The following CRTAC1 variants were observed in gnomAD, a reference collection of about 807,000 sequenced individuals.
The protein encoded by CRTAC1 is acidic secreted protein in cartilage.
CRTAC1 carries 37 observed loss-of-function variants against 67.8 expected under a neutral mutation model. That is an observed-to-expected ratio of 0.55 (90% CI 0.42 to 0.72). CRTAC1 has a LOEUF of 0.72. CRTAC1 is among the 30% of genes least tolerant of loss of function. CRTAC1 has a pLI of 0.00. For synonymous variants in CRTAC1, 348 were observed against 371.0 expected (o/e 0.94, Z 0.71); for missense variants, 780 against 931.6 (o/e 0.84, Z 2.12).
At chr10:97,959,700 G>C (rs571338870) in intron 2 of CRTAC1, among the ~76,000 whole-genome samples, 1 of 152,232 alleles carries the variant, frequency 6.6e-6, no homozygotes, top group Non-Finnish European at 1.5e-5. Flanking sequence ...TAGGTAAGGC[G>C]GATATGTTGT....
intron 1 of CRTAC1, among the ~76,000 whole-genome samples, chr10:98,023,816 T>A (rs1262585916): frequency 6.6e-6 from 1 of 152,206 alleles, no homozygotes; most frequent in Non-Finnish European, 1.5e-5. Context: ...AAGGGAGGGA[T>A]GTCACCTCAG....
intron 14 of CRTAC1, among the ~76,000 whole-genome samples, chr10:97,874,895 C>A (rs541950366): frequency 6.6e-6 from 1 of 152,298 alleles, no homozygotes; most frequent in South Asian, 2.1e-4. Flanking sequence ...TCCAGCCCTC[C>A]ATAGCACGTA....
chr10:97,881,159 C>T (rs541946206), intron 13 of CRTAC1, among the ~76,000 whole-genome samples: 2 of 152,328 alleles, frequency 1.3e-5, no homozygotes, highest in Admixed American at 1.3e-4. Context: ...CACATCATGT[C>T]ACTCCCCAGT....
intron 2 of CRTAC1, among the ~76,000 whole-genome samples, chr10:97,971,185 CAT>C: frequency 6.6e-6 from 1 of 152,312 alleles, no homozygotes; most frequent in Middle Eastern, 3.4e-3. Context: ...AAAAGTCTAA[CAT>C]ATTTTTCATA....
At chr10:97,953,111 C>T (rs1456329516) in intron 2 of CRTAC1, among the ~76,000 whole-genome samples, 1 of 152,090 alleles carries the variant, frequency 6.6e-6, no homozygotes, top group Non-Finnish European at 1.5e-5. Context: ...AAGCCCTCCC[C>T]CTTCCTCCTT....
rs2051024771 is a variant in CRTAC1, at chr10:97,933,024, G to A, written c.421+3146C>T. Among the ~76,000 whole-genome samples, 3 of 152,348 alleles carry A rather than the reference G, an allele frequency of 2.0e-5. No individual in the cohort carries two copies. The South Asian group carries it at 6.2e-4, about 32-fold the overall frequency. On this transcript the variant is annotated intron_variant, in intron 3 of 14. Transcript: ENST00000370597. The stretch of plus-strand genomic sequence containing the variant: ...AGGAGAGTGGGACCATGCTTCCACA[G>A]GTCGCTCTAACACACTGGCACATGC...
intron 14 of CRTAC1, chr10:97,879,832 A>T: frequency 9.7e-7 from 1 of 1,034,884 alleles, no homozygotes. Context: ...GGAGACAGAA[A>T]ATGGGAAAAA....
At chr10:97,995,807 G>T (rs185606690) in intron 2 of CRTAC1, among the ~76,000 whole-genome samples, 158 of 152,260 alleles carry the variant, frequency 1.0e-3, no homozygotes, top group African/African-American at 3.7e-3. Flanking sequence ...GAGAGCTAGG[G>T]TATTCTCAGG....
intron 4 of CRTAC1, among the ~76,000 whole-genome samples, chr10:97,917,941 CT>C (rs1368010554): frequency 6.6e-6 from 1 of 152,172 alleles, no homozygotes; most frequent in Non-Finnish European, 1.5e-5. Flanking sequence ...CCACAACCAC[CT>C]TTTTATAGAC....
In CRTAC1 at chr10:98,030,264, CCG is replaced by C. The variant is rs1167149650; in HGVS notation, c.24+183_24+184del. Reference sequence around the variant, plus strand: ...TCACCCCCAGCCCGCGGGGGAGGCTCCGCGCGCCAATCGAGTCCAGCGCCTCC... The same window carrying C: ...TCACCCCCAGCCCGCGGGGGAGGCTCCGCGCCAATCGAGTCCAGCGCCTCC... On this transcript the variant is annotated intron_variant, in intron 1 of 14. Transcript: ENST00000370597. The surrounding 1 kb of genome is among the most constrained non-coding windows in gnomAD (Gnocchi z 4.2). 6.6e-6 allele frequency among the ~76,000 whole-genome samples: 1 copy of C among 152,118 alleles called. No individual in the cohort carries two copies. The highest frequency in any genetic ancestry group is 1.5e-5 in the Non-Finnish European group (1 of 67,986).
chr10:98,016,342 A>G, intron 1 of CRTAC1, among the ~76,000 whole-genome samples: 1 of 152,230 alleles, frequency 6.6e-6, no homozygotes, highest in East Asian at 1.9e-4. Flanking sequence ...CGCGGGAATG[A>G]GTATGTCCAA....
chr10:97,952,538 CAAAA>C (rs397844653), intron 2 of CRTAC1, among the ~76,000 whole-genome samples: 10 of 64,220 alleles, frequency 1.6e-4, no homozygotes, highest in African/African-American at 6.8e-4. Context: ...AATTCCATCT[CAAAA>C]AAAAAAAAAA....
At chr10:97,932,223 C>T (rs548358337) in intron 3 of CRTAC1, among the ~76,000 whole-genome samples, 44 of 152,314 alleles carry the variant, frequency 2.9e-4, no homozygotes, top group African/African-American at 9.4e-4. Context: ...CCTCTGCCCA[C>T]GACACTTTGA....
intron 2 of CRTAC1, among the ~76,000 whole-genome samples, chr10:98,008,659 G>A (rs925150580): frequency 6.6e-6 from 1 of 152,194 alleles, no homozygotes; most frequent in Non-Finnish European, 1.5e-5. Context: ...CCAGGTCCCA[G>A]AAGGAGAAGA....
intron 2 of CRTAC1, among the ~76,000 whole-genome samples, chr10:97,973,301 C>T (rs1470712225): frequency 6.6e-6 from 1 of 152,142 alleles, no homozygotes; most frequent in South Asian, 2.1e-4. Flanking sequence ...CTCCGTCCCA[C>T]CCTAATTCAC....
At chr10:97,881,267 C>T (rs760217757) in intron 13 of CRTAC1, among the ~76,000 whole-genome samples, 1 of 152,244 alleles carries the variant, frequency 6.6e-6, no homozygotes, top group Non-Finnish European at 1.5e-5. Context: ...CCTCCTGCTC[C>T]TTCAACACAC....
At chr10:97,950,401 C>A (rs2051336716) in intron 2 of CRTAC1, among the ~76,000 whole-genome samples, 1 of 152,128 alleles carries the variant, frequency 6.6e-6, no homozygotes, top group Non-Finnish European at 1.5e-5. Context: ...CAGAAATGCC[C>A]CATTAAAGGA....
At chr10:97,986,066 G>A (rs1324324587) in intron 2 of CRTAC1, among the ~76,000 whole-genome samples, 1 of 152,204 alleles carries the variant, frequency 6.6e-6, no homozygotes, top group African/African-American at 2.4e-5. Context: ...GCTGCAATGT[G>A]TGGGAAAAGG....
chr10:97,996,896 A>G (rs918933680), intron 2 of CRTAC1, among the ~76,000 whole-genome samples: 8 of 152,072 alleles, frequency 5.3e-5, no homozygotes, highest in Non-Finnish European at 7.4e-5. Flanking sequence ...ATGGAATACT[A>G]TGCAGCCAGA....
Sources: allele counts gnomAD v4.1 joint callset (sites outside exome capture counted in the v4.1 genomes callset), GRCh38; gene constraint gnomAD v4.1.1; non-coding constraint Gnocchi (gnomAD v3.1); transcripts MANE v1.5; gene names NCBI Gene and HGNC (gene_info 2026-07-23, HGNC 2026-07-21).